The following EGFR variants were observed in gnomAD, a reference collection of about 807,000 sequenced individuals.
EGFR encodes epidermal growth factor receptor, also known as avian erythroblastic leukemia viral (v-erb-b) oncogene homolog.
A neutral mutation model predicts 143.0 loss-of-function variants in EGFR; 58 were observed. The observed-to-expected ratio is 0.41, with a 90% CI of 0.33 to 0.50. The LOEUF is 0.50. Ranked by LOEUF, EGFR falls within the 20% of genes least tolerant of loss-of-function variation. The pLI is 0.39. For synonymous variants in EGFR, 613 were observed against 594.4 expected, an observed-to-expected ratio of 1.03 and a Z score of -0.45; for missense variants, 1,307 against 1,579.0, an observed-to-expected ratio of 0.83 and a Z score of 2.92.
rs1431322647 is a variant in EGFR at position 55,152,209 on chromosome 7, G to GT, written c.629-336dup. 5 of 459,888 alleles carry GT rather than the reference G, an allele frequency of 1.1e-5. No homozygotes were observed. In the East Asian group the frequency reaches 2.3e-4, roughly 21 times the overall value. The allele number at this position is 459,888 out of a possible 1,614,324, so 28.5% of individuals were successfully genotyped here. On this transcript the variant is annotated intron_variant, in intron 5 of 27. Transcript: ENST00000275493. Reference sequence around the variant, plus strand: ...GGACACTATGTCCTTAAGCTGAATTGTGGGGGGGCTGTTAGGCCCTTCTAA... The same window carrying GT: ...GGACACTATGTCCTTAAGCTGAATTGTTGGGGGGGCTGTTAGGCCCTTCTAA...
intron 1 of EGFR, among the ~76,000 whole-genome samples, chr7:55,044,991 C>T (rs752249775): frequency 1.2e-4 from 18 of 152,260 alleles, no homozygotes; most frequent in Admixed American, 2.6e-4. Flanking sequence ...GCAGACATTC[C>T]GGCCATCTAG....
intron 1 of EGFR, among the ~76,000 whole-genome samples, chr7:55,055,753 G>T (rs984789083): frequency 6.7e-6 from 1 of 150,058 alleles, no homozygotes; most frequent in African/African-American, 2.5e-5. Context: ...CACACACCAG[G>T]GTCGATGCCA....
chr7:55,089,909 A>G (rs1234270840), intron 1 of EGFR, among the ~76,000 whole-genome samples: 6 of 152,126 alleles, frequency 3.9e-5, no homozygotes, highest in African/African-American at 1.2e-4. Context: ...ATTCAGTTCA[A>G]ATTCACCTAT....
chr7:55,160,443 T>C, intron 12 of EGFR, 105 bp downstream of exon 12: 1 of 1,199,648 alleles, frequency 8.3e-7, no homozygotes, highest in African/African-American at 1.5e-5. Context: ...CTTTTTTCAG[T>C]TCCTTAAGAA....
At chr7:55,054,527 C>T (rs1788675161) in intron 1 of EGFR, among the ~76,000 whole-genome samples, 1 of 152,222 alleles carries the variant, frequency 6.6e-6, no homozygotes, top group Admixed American at 6.5e-5. Context: ...GGGCCTGGAG[C>T]TCAGAAAGAG....
At chr7:55,182,723 C>T (rs566416893) in intron 20 of EGFR, among the ~76,000 whole-genome samples, 2 of 152,104 alleles carry the variant, frequency 1.3e-5, no homozygotes, top group African/African-American at 2.4e-5. Flanking sequence ...CACAGGCGGC[C>T]CCCAGCACCC....
At chr7:55,020,622 C>G (rs1481417165) in intron 1 of EGFR, among the ~76,000 whole-genome samples, 1 of 151,120 alleles carries the variant, frequency 6.6e-6, no homozygotes, top group Non-Finnish European at 1.5e-5. Flanking sequence ...TCAAGTGTGC[C>G]AAGTGTGCAG....
At chr7:55,202,795 C>G (rs958684463) in intron 27 of EGFR, 170 bp downstream of exon 27, 10 of 720,642 alleles carry the variant, frequency 1.4e-5, no homozygotes, top group Non-Finnish European at 2.3e-5. Context: ...AACACATGAC[C>G]GAGCCTGCAC....
chr7:55,086,621 G>A (rs560983491), intron 1 of EGFR, among the ~76,000 whole-genome samples: 1 of 152,280 alleles, frequency 6.6e-6, no homozygotes, highest in Admixed American at 6.5e-5. Flanking sequence ...CCCGGGTCTG[G>A]GGCGGCCACC....
At chr7:55,176,002 G>A (rs1027030667) in intron 19 of EGFR, among the ~76,000 whole-genome samples, 2 of 152,024 alleles carry the variant, frequency 1.3e-5, no homozygotes, top group Admixed American at 6.6e-5. Context: ...TCATTTTAAC[G>A]GTTTACAAAT....
chr7:55,021,951 C>A (rs1786591159), intron 1 of EGFR, among the ~76,000 whole-genome samples: 1 of 152,216 alleles, frequency 6.6e-6, no homozygotes. Context: ...AACTCCACTG[C>A]CTTGTCCGAG....
chr7:55,186,324 C>T (rs575808097), intron 20 of EGFR, among the ~76,000 whole-genome samples: 35 of 152,350 alleles, frequency 2.3e-4, no homozygotes, highest in African/African-American at 6.7e-4. Flanking sequence ...CAGAGGGCTC[C>T]GGCCTTCGTC....
intron 22 of EGFR, among the ~76,000 whole-genome samples, chr7:55,193,837 T>G (rs996640354): frequency 2.0e-5 from 3 of 152,256 alleles, no homozygotes; most frequent in Non-Finnish European, 4.4e-5. Context: ...TATAGCATTA[T>G]TAACTTTCTG....
At chr7:55,048,555 TTGG>T (rs1400460462) in intron 1 of EGFR, among the ~76,000 whole-genome samples, 1 of 152,242 alleles carries the variant, frequency 6.6e-6, no homozygotes, top group African/African-American at 2.4e-5. Context: ...ATTGAATATA[TTGG>T]TTAAATGCAT....
chr7:55,114,959 G>A (rs1301511230), intron 1 of EGFR, among the ~76,000 whole-genome samples: 4 of 145,212 alleles, frequency 2.8e-5, no homozygotes, highest in African/African-American at 1.0e-4. Flanking sequence ...TCTGCTCACT[G>A]CAAGCTCCGC....
intron 10 of EGFR, among the ~76,000 whole-genome samples, chr7:55,157,373 G>C (rs1444617883): frequency 2.0e-5 from 3 of 152,220 alleles, no homozygotes; most frequent in Non-Finnish European, 4.4e-5. Context: ...GAGCCTCTTC[G>C]GGGTAATCAG....
intron 1 of EGFR, among the ~76,000 whole-genome samples, chr7:55,090,855 T>G (rs752228877): frequency 6.6e-6 from 1 of 152,260 alleles, no homozygotes; most frequent in Non-Finnish European, 1.5e-5. Context: ...AATCCTCATT[T>G]TAACCATGAA....
chr7:55,186,293 A>G (rs1787135603), intron 20 of EGFR, among the ~76,000 whole-genome samples: 1 of 152,198 alleles, frequency 6.6e-6, no homozygotes, highest in Non-Finnish European at 1.5e-5. Context: ...ATTGCTTCCA[A>G]TGCAACTGCA....
chr7:55,078,264 C>A (rs903661644), intron 1 of EGFR, among the ~76,000 whole-genome samples: 9 of 152,102 alleles, frequency 5.9e-5, no homozygotes, highest in Non-Finnish European at 1.0e-4. Context: ...CCCCAAGCCC[C>A]GCGTCCCGCG....
Sources: allele counts gnomAD v4.1 joint callset (sites outside exome capture counted in the v4.1 genomes callset), GRCh38; gene constraint gnomAD v4.1.1; transcripts MANE v1.5; gene names NCBI Gene and HGNC (gene_info 2026-07-23, HGNC 2026-07-21).